Variants in PRKCE observed in about 807,000 individuals in gnomAD.
PRKCE encodes protein kinase C epsilon.
In PRKCE, 16 loss-of-function variants were observed where a neutral mutation model predicts 85.4. That is an observed-to-expected ratio of 0.19 (90% CI 0.13 to 0.28). The LOEUF is 0.28. Ranked by LOEUF, PRKCE falls within the 10% of genes least tolerant of loss-of-function variation. The pLI, the probability that PRKCE is intolerant of heterozygous loss-of-function variation, is 1.00. For missense variants in PRKCE, 573 were observed against 975.2 expected (o/e 0.59, Z 5.49); for synonymous variants, 388 against 371.5 (o/e 1.04, Z -0.51).
At chr2:46,117,515 C>T (rs17034557) in intron 11 of PRKCE, among the ~76,000 whole-genome samples, 2,620 of 152,200 alleles carry the variant, frequency 0.017, 34 homozygotes, top group Non-Finnish European at 0.026. Flanking sequence ...CAGAGATTTC[C>T]GGGCTCCCCA....
chr2:45,840,402 G>A (rs926432200), intron 1 of PRKCE: 1 of 152,262 alleles, frequency 6.6e-6, no homozygotes, highest in African/African-American at 2.4e-5. Flanking sequence ...GTCAGCACTA[G>A]TGGTGAGAAT....
chr2:45,659,433 C>T (rs926830505), intron 1 of PRKCE, among the ~76,000 whole-genome samples: 1 of 152,206 alleles, frequency 6.6e-6, no homozygotes, highest in Non-Finnish European at 1.5e-5. Flanking sequence ...TTATCTCACA[C>T]CTGGATTATT....
intron 11 of PRKCE, among the ~76,000 whole-genome samples, chr2:46,104,879 G>A (rs1266785999): frequency 6.6e-6 from 1 of 152,168 alleles, no homozygotes; most frequent in Non-Finnish European, 1.5e-5. Context: ...GGGGTTAGCA[G>A]CTTTATAGAT....
rs149070113 is a variant in PRKCE at position 46,180,786 on chromosome 2, A to G, written c.2068-3949A>G. Among the ~76,000 whole-genome samples the G allele has an allele frequency of 4.2e-3, 635 of 152,344 alleles. 5 individuals carry two copies. The highest frequency in any genetic ancestry group is 5.8e-3 in the Non-Finnish European group (397 of 68,034). ...GCCTGTTACCACCCCCGTGTGACAG[A>G]TGGAAAGACCACGGCTTAAAGAGGT... On this transcript the variant is annotated intron_variant, in intron 14 of 14. Coordinates refer to ENST00000306156, the MANE Select transcript of PRKCE (RefSeq NM_005400.3).
chr2:45,938,329 G>T (rs1016764543), intron 2 of PRKCE, among the ~76,000 whole-genome samples: 1 of 152,010 alleles, frequency 6.6e-6, no homozygotes, highest in Admixed American at 6.5e-5. Context: ...GGAGAACTAG[G>T]GTGACTATAT....
chr2:46,156,286 T>G (rs1048891491), intron 13 of PRKCE, among the ~76,000 whole-genome samples: 16 of 152,150 alleles, frequency 1.1e-4, no homozygotes, highest in Non-Finnish European at 1.5e-5. Flanking sequence ...CCTTCAGGTC[T>G]CAGCCTAGGT....
chr2:45,996,023 C>A (rs1315929571), intron 6 of PRKCE, among the ~76,000 whole-genome samples: 1 of 151,976 alleles, frequency 6.6e-6, no homozygotes, highest in Non-Finnish European at 1.5e-5. Flanking sequence ...GTATTTAGTT[C>A]TTGATTTTTT....
chr2:45,865,250 T>C (rs748342795), intron 2 of PRKCE, among the ~76,000 whole-genome samples: 1 of 152,136 alleles, frequency 6.6e-6, no homozygotes, highest in Non-Finnish European at 1.5e-5. Context: ...CTTTAATCAA[T>C]TGGAATTCTC....
intron 1 of PRKCE, among the ~76,000 whole-genome samples, chr2:45,692,190 A>G (rs756581667): frequency 5.3e-5 from 8 of 152,298 alleles, no homozygotes; most frequent in Middle Eastern, 3.4e-3. Flanking sequence ...TTAGTTTCCC[A>G]GGACTGCCAT....
At chr2:45,979,147 G>A in intron 4 of PRKCE, 137 bp downstream of exon 4, 1 of 845,004 alleles carries the variant, frequency 1.2e-6, no homozygotes, top group Non-Finnish European at 1.9e-6. Context: ...GTTCCCACTT[G>A]ACCATTACTT....
At chr2:45,933,327 A>G (rs1402864202) in intron 2 of PRKCE, among the ~76,000 whole-genome samples, 1 of 152,178 alleles carries the variant, frequency 6.6e-6, no homozygotes, top group Non-Finnish European at 1.5e-5. Flanking sequence ...GGAATGTATC[A>G]ATTTATCAGT....
intron 2 of PRKCE, among the ~76,000 whole-genome samples, chr2:45,855,057 AAT>A (rs1193094833): frequency 1.3e-5 from 2 of 152,242 alleles, no homozygotes; most frequent in African/African-American, 4.8e-5. Context: ...TCGTAGAACA[AAT>A]TTATATATTA....
At chr2:45,672,017 T>C (rs796440022) in intron 1 of PRKCE, among the ~76,000 whole-genome samples, 17 of 148,352 alleles carry the variant, frequency 1.1e-4, no homozygotes, top group African/African-American at 4.3e-4. Flanking sequence ...GAGCCATGAT[T>C]ATGCCACTGT....
intron 2 of PRKCE, among the ~76,000 whole-genome samples, chr2:45,885,562 A>G (rs1573747107): frequency 6.6e-6 from 1 of 152,232 alleles, no homozygotes; most frequent in African/African-American, 2.4e-5. Context: ...GTTAATCTAC[A>G]TGAATTAATA....
At chr2:46,074,774 T>C (rs1166579036) in intron 10 of PRKCE, among the ~76,000 whole-genome samples, 2 of 152,220 alleles carry the variant, frequency 1.3e-5, no homozygotes, top group South Asian at 2.1e-4. Context: ...TTTACTGAGC[T>C]GCACGTGCAC....
In PRKCE at chr2:46,004,187, AC is replaced by A. The variant is rs534993618; in HGVS notation, c.967-353del. ...CCTGGACTACTTTTCCAGCTTGCTA[AC>A]CTTTATGGTGTCCTCGCACAACCCG... On this transcript the variant is annotated intron_variant, in intron 7 of 14. Coordinates refer to ENST00000306156, the MANE Select transcript of PRKCE (RefSeq NM_005400.3). The surrounding 1 kb of genome is among the most constrained non-coding windows in gnomAD (Gnocchi z 4.1). The A allele has an allele frequency of 4.6e-4, 138 of 298,942 alleles. 1 individual carries two copies. The highest frequency in any genetic ancestry group is 4.3e-3 in the South Asian group (133 of 30,932). 18.5% of individuals were successfully genotyped at this position (298,942 alleles called of 1,614,324 possible).
chr2:46,024,103 G>A (rs896345205), intron 10 of PRKCE, among the ~76,000 whole-genome samples: 1 of 152,152 alleles, frequency 6.6e-6, no homozygotes, highest in Admixed American at 6.5e-5. Context: ...AGCCTCCTGA[G>A]GATTGATAAA....
At chr2:46,085,403 C>A (rs1441927093) in intron 10 of PRKCE, among the ~76,000 whole-genome samples, 1 of 152,204 alleles carries the variant, frequency 6.6e-6, no homozygotes, top group Non-Finnish European at 1.5e-5. Context: ...AAACTTGGTG[C>A]CTTAAAACAA....
intron 11 of PRKCE, among the ~76,000 whole-genome samples, chr2:46,142,373 G>A (rs187475713): frequency 3.3e-5 from 5 of 152,240 alleles, no homozygotes; most frequent in South Asian, 2.1e-4. Context: ...TCTGGCTCCC[G>A]GAAGTCTTTG....
Sources: gnomAD v4.1 joint callset for allele counts (sites outside exome capture counted in the v4.1 genomes callset) on GRCh38, gnomAD v4.1.1 for gene constraint, Gnocchi (gnomAD v3.1) non-coding constraint, MANE v1.5 for transcripts, NCBI Gene and HGNC (gene_info 2026-07-23, HGNC 2026-07-21) for gene names.